Variants in UVRAG observed in about 807,000 individuals in gnomAD.
The protein encoded by UVRAG is UV radiation resistance associated, also known as UV radiation resistance-associated gene protein.
Under a neutral mutation model 78.0 loss-of-function variants are expected in UVRAG, and 19 were observed. The observed-to-expected ratio is 0.24, with a 90% CI of 0.17 to 0.36. The LOEUF (loss-of-function observed/expected upper bound fraction) is 0.36. Among genes scored for constraint, UVRAG ranks in the 10% least tolerant of loss-of-function variants. The pLI is 1.00. For missense variants in UVRAG, 740 were observed against 853.8 expected, an observed-to-expected ratio of 0.87 and a Z score of 1.66; for synonymous variants, 323 against 324.6, an observed-to-expected ratio of 1.00 and a Z score of 0.05.
At chr11:76,110,211 C>CATATATATATATATATATATATATATAT (rs10526191) in intron 13 of UVRAG, among the ~76,000 whole-genome samples, 10 of 136,640 alleles carry the variant, frequency 7.3e-5, no homozygotes, top group African/African-American at 3.0e-4. Context: ...ATATCTGGTA[C>CATATATATATATATATATATATATATAT]ATATATATAT....
At chr11:76,140,112 CCTCTCTCTCTCTCT>C (rs745755879) in intron 14 of UVRAG, among the ~76,000 whole-genome samples, 425 of 11,290 alleles carry the variant, frequency 0.038, 29 homozygotes, top group African/African-American at 0.16. Context: ...TCCCTCCCTC[CCTCTCTCTCTCTCT>C]CTCTCTCTCT....
chr11:75,984,367 A>G (rs992644775), intron 8 of UVRAG, among the ~76,000 whole-genome samples: 2 of 152,246 alleles, frequency 1.3e-5, no homozygotes, highest in African/African-American at 2.4e-5. Flanking sequence ...GTGTTATAAA[A>G]TAAGTTTTGT....
In UVRAG at chr11:75,878,917, GGGA is replaced by G. The variant is rs1283271312; in HGVS notation, c.271-960_271-958del. On this transcript the variant is annotated intron_variant, in intron 3 of 14. Coordinates refer to ENST00000356136, the MANE Select transcript of UVRAG (RefSeq NM_003369.4). ...ACAGGGACAGGGAGGGGGAGGGGGA[GGGA>G]GAGGGAGAGGGAGAGGGAGACCCCC... Among the ~76,000 whole-genome samples, 73 of 92,666 alleles carry G rather than the reference GGGA, an allele frequency of 7.9e-4. 2 individuals carry two copies. In the Middle Eastern group the frequency reaches 0.024, roughly 30 times the overall value. 60.8% of individuals were successfully genotyped at this position (92,666 alleles called of 152,430 possible). A position where few individuals can be genotyped will look rare whatever the true frequency, so the allele number is the denominator to read the frequency against.
At chr11:76,006,779 A>G (rs769188707) in intron 9 of UVRAG, among the ~76,000 whole-genome samples, 10 of 149,952 alleles carry the variant, frequency 6.7e-5, no homozygotes, top group African/African-American at 1.2e-4. Context: ...TGAGGTAATT[A>G]TAATATGTAA....
At chr11:75,886,843 G>A (rs556838539) in intron 4 of UVRAG, among the ~76,000 whole-genome samples, 54 of 147,958 alleles carry the variant, frequency 3.6e-4, no homozygotes, top group Admixed American at 2.5e-3. Context: ...AAACCTTCAC[G>A]GCAGAAGAAT....
At chr11:75,853,031 C>T (rs2371371) in intron 2 of UVRAG, among the ~76,000 whole-genome samples, 3,318 of 152,210 alleles carry the variant, frequency 0.022, 55 homozygotes, top group Non-Finnish European at 0.032. Flanking sequence ...CTGCCTCCAT[C>T]TCCCAAGTAG....
intron 6 of UVRAG, among the ~76,000 whole-genome samples, chr11:75,946,231 G>T (rs1417064779): frequency 6.6e-6 from 1 of 152,118 alleles, no homozygotes; most frequent in Non-Finnish European, 1.5e-5. Flanking sequence ...CATAGAAAGT[G>T]CTCAATGTGA....
intron 12 of UVRAG, among the ~76,000 whole-genome samples, chr11:76,021,616 A>G (rs1950247890): frequency 6.6e-6 from 1 of 151,848 alleles, no homozygotes; most frequent in African/African-American, 2.4e-5. Flanking sequence ...GGTTAATGAG[A>G]TCTTTCTTTT....
rs569795574 is a variant in UVRAG, at chr11:75,947,483, C to A, written c.594-13961C>A. On this transcript the variant is annotated intron_variant, in intron 6 of 14. Transcript: ENST00000356136. ...ATACGAGTTATATTATGAATAGAATCGTAGAATAATGGAAGAGAAAAGCAC... is the reference window on the plus strand; with the variant it reads ...ATACGAGTTATATTATGAATAGAATAGTAGAATAATGGAAGAGAAAAGCAC... Among the ~76,000 whole-genome samples, 18 of 152,018 alleles carry A rather than the reference C, an allele frequency of 1.2e-4. No individual in the cohort carries two copies. The South Asian group carries it at 3.7e-3, about 32-fold the overall frequency.
intron 14 of UVRAG, among the ~76,000 whole-genome samples, chr11:76,138,236 A>G (rs1952634432): frequency 6.6e-6 from 1 of 152,252 alleles, no homozygotes; most frequent in African/African-American, 2.4e-5. Context: ...TGTGGGACAC[A>G]ATAGATAGGA....
intron 12 of UVRAG, among the ~76,000 whole-genome samples, chr11:76,039,453 T>C (rs7131447): frequency 0.068 from 10,386 of 152,258 alleles, 675 homozygotes; most frequent in African/African-American, 0.17. Context: ...CAATAAAATA[T>C]TGTATTTGTG....
At chr11:75,893,788 A>C (rs570914089) in intron 5 of UVRAG, among the ~76,000 whole-genome samples, 1 of 149,706 alleles carries the variant, frequency 6.7e-6, no homozygotes, top group South Asian at 2.1e-4. Context: ...GGCTGCAGTG[A>C]GCTGTGATCG....
At chr11:75,848,173 G>A (rs1012911801) in intron 1 of UVRAG, among the ~76,000 whole-genome samples, 7 of 151,704 alleles carry the variant, frequency 4.6e-5, no homozygotes, top group African/African-American at 1.7e-4. Context: ...CTCCAGCCTG[G>A]GGGACAGAGA....
intron 6 of UVRAG, among the ~76,000 whole-genome samples, chr11:75,951,299 A>G (rs1591055290): frequency 1.3e-5 from 2 of 151,542 alleles, no homozygotes; most frequent in East Asian, 1.9e-4. Context: ...TTGAGTATGT[A>G]TGAATGATTC....
intron 6 of UVRAG, among the ~76,000 whole-genome samples, chr11:75,939,787 C>T (rs1044521267): frequency 2.0e-5 from 3 of 152,086 alleles, no homozygotes; most frequent in Non-Finnish European, 2.9e-5. Flanking sequence ...TTGGAACAGA[C>T]TTCAATAATT....
At chr11:75,886,084 A>G (rs1420253650) in intron 4 of UVRAG, among the ~76,000 whole-genome samples, 1 of 152,192 alleles carries the variant, frequency 6.6e-6, no homozygotes, top group Non-Finnish European at 1.5e-5. Flanking sequence ...AAAACAAGTC[A>G]GAGTTCCCTT....
At position 75,846,335 on chromosome 11, in the gene UVRAG, A is replaced by G. The variant is rs188898414; in HGVS notation, c.118-5548A>G. On this transcript the variant is annotated intron_variant, in intron 1 of 14. Transcript: ENST00000356136. ...GGTGGGTGGGCATCAGAATCAGGTA[A>G]GGGTTTCAGACCACTCAGAACCATT... Among the ~76,000 whole-genome samples, 18 of 152,350 alleles carry G rather than the reference A, an allele frequency of 1.2e-4. No homozygotes were observed. The East Asian group carries it at 3.5e-3, about 29-fold the overall frequency.
intron 11 of UVRAG, 81 bp from the exon 12 acceptor site, chr11:76,016,734 T>A (rs1275437053): frequency 1.2e-5 from 15 of 1,228,836 alleles, no homozygotes; most frequent in Non-Finnish European, 1.6e-5. Context: ...TTATAAAATA[T>A]TCTTTGAAAA....
At position 76,086,401 on chromosome 11, in the gene UVRAG, T is replaced by G. The variant is rs114745043; in HGVS notation, c.1305+20613T>G. 1.9e-3 allele frequency among the ~76,000 whole-genome samples: 288 copies of G among 152,338 alleles called. 1 individual carries two copies. Among genetic ancestry groups the G allele is most frequent in the African/African-American group, 6.5e-3 (271 of 41,582 alleles). On this transcript the variant is annotated intron_variant, in intron 13 of 14. Coordinates refer to ENST00000356136, the MANE Select transcript of UVRAG (RefSeq NM_003369.4). ...TCCAGGAAACCAATCAGAACTATTC[T>G]TCGTATGTTTAAGGATTTAAAGTAT... is the stretch of plus-strand genomic sequence containing the variant.
Sources: gnomAD v4.1 joint callset for allele counts (sites outside exome capture counted in the v4.1 genomes callset) on GRCh38, gnomAD v4.1.1 for gene constraint, MANE v1.5 for transcripts, NCBI Gene and HGNC (gene_info 2026-07-23, HGNC 2026-07-21) for gene names.